Variants in TAF6L observed in about 807,000 individuals in gnomAD.
TAF6L encodes TAF6-like RNA polymerase II p300/CBP-associated factor-associated factor 65 kDa subunit 6L.
TAF6L carries 34 observed loss-of-function variants against 57.3 expected under a neutral mutation model. The observed-to-expected ratio is 0.59, with a 90% CI of 0.45 to 0.79. The LOEUF (loss-of-function observed/expected upper bound fraction) is 0.79, where lower values mean the gene tolerates loss of function less well. Among genes scored for constraint, TAF6L ranks in the 30% least tolerant of loss-of-function variants. The pLI is 0.00. For missense variants in TAF6L, 782 were observed against 853.2 expected (o/e 0.92, Z 1.04); for synonymous variants, 417 against 376.3 (o/e 1.11, Z -1.25).
rs1260035275 is a variant in TAF6L at position 62,787,030 on chromosome 11, C to T, written c.1603C>T (p.Arg535Trp). 8.6e-6 allele frequency: 13 copies of T among 1,507,108 alleles called. No homozygotes were observed. The South Asian group carries it at 1.5e-4, about 17-fold the overall frequency. The allele number at this position is 1,507,108 out of a possible 1,614,324, so 93.4% of individuals were successfully genotyped here. A position where few individuals can be genotyped will look rare whatever the true frequency, so the allele number is the denominator to read the frequency against. ...CGTGCATCGGGCGCGCGGGGCACCC[C>T]GGCAGCAGGGCCCCGGGACCGGCAC... ...PRVHRARGAP[R>W]QQGPGTGTRD... The change falls in exon 11 of 11, where the codon CGG (arginine) becomes TGG (tryptophan). Residue 535 changes from arginine (R) to tryptophan (W), a missense_variant. Arg to Trp is a moderately radical substitution (Grantham distance 101). This residue lies in a region of TAF6L where 483 missense variants were observed against 445.1 expected (regional missense o/e 1.09). Transcript: ENST00000294168.
chr11:62,783,003 C>T (rs538182991), intron 9 of TAF6L, among the ~76,000 whole-genome samples, 178 bp downstream of exon 9: 13 of 152,342 alleles, frequency 8.5e-5, no homozygotes, highest in African/African-American at 3.1e-4. Context: ...CTTATCCTTT[C>T]GAAAGTCCTA....
chr11:62,787,215 G>A lies in TAF6L; in HGVS notation c.1788G>A (p.Gln596=), dbSNP rs751078026. The A allele has an allele frequency of 4.4e-6, 7 of 1,587,934 alleles. No homozygotes were observed. The highest frequency in any genetic ancestry group is 1.7e-5 in the Admixed American group (1 of 59,118). ...YGPSPASRYV[Q]KLPMIGRTSR... is the part of the protein sequence containing the mutation. ...CTAGCCCGGCCTCGCGCTACGTGCA[G>A]AAACTGCCCATGATCGGCCGTACCA... Residue 596 remains glutamine (Q), a synonymous_variant, in exon 11 of 11, where the codon CAG becomes CAA. Transcript: ENST00000294168.
At chr11:62,776,159 G>C (rs550313625) in intron 2 of TAF6L, among the ~76,000 whole-genome samples, 24 of 152,318 alleles carry the variant, frequency 1.6e-4, no homozygotes, top group African/African-American at 5.1e-4. Context: ...TGGGCAGGCA[G>C]AGCGGGTAGA....
At chr11:62,779,964 A>G (rs2084215207) in intron 6 of TAF6L, among the ~76,000 whole-genome samples, 1 of 68,324 alleles carries the variant, frequency 1.5e-5, no homozygotes, top group Non-Finnish European at 3.6e-5. Context: ...ATATATATAT[A>G]TATATATATA....
chr11:62,775,287 G>C (rs929626969), intron 1 of TAF6L, among the ~76,000 whole-genome samples: 1 of 152,142 alleles, frequency 6.6e-6, no homozygotes, highest in African/African-American at 2.4e-5. Flanking sequence ...AGAACAGCAT[G>C]GGGGAAAATG....
In TAF6L at chr11:62,786,898, A is replaced by C; in HGVS notation, c.1471A>C (p.Ser491Arg). ...GCGGAAGATGCCGCAGCTGACGGCA[A>C]GCGCCATAGTCAGCCCGCACGGCGA... ...SVRKMPQLTA[S>R]AIVSPHGDES... Residue 491 changes from serine (S) to arginine (R), a missense_variant, in exon 11 of 11, where the codon AGC (serine) becomes CGC (arginine). Ser to Arg is a moderately radical substitution (Grantham distance 110). This residue lies in a region of TAF6L where 483 missense variants were observed against 445.1 expected (regional missense o/e 1.09). Transcript: ENST00000294168. 1 of 1,547,884 alleles carries C rather than the reference A, an allele frequency of 6.5e-7. No individual in the cohort carries two copies. Among genetic ancestry groups the C allele is most frequent in the Non-Finnish European group, 8.6e-7 (1 of 1,156,100 alleles).
chr11:62,786,178 G>A, intron 9 of TAF6L, 82 bp from the exon 10 acceptor site: 1 of 1,522,348 alleles, frequency 6.6e-7, no homozygotes, highest in Non-Finnish European at 9.0e-7. Flanking sequence ...CAGAGATAAA[G>A]GTAGGTCTTT....
chr11:62,782,796 G>T lies in TAF6L; in HGVS notation c.931G>T (p.Val311Leu). ...GCCGCTCTGCTGCCACTATGGAGCC[G>T]TGGTGGGGCTGCATGCTCTTGGCTG... ...VRPLCCHYGA[V>L]VGLHALGWKA... Residue 311 changes from valine (V) to leucine (L), a missense_variant, in exon 9 of 11, where the codon GTG (valine) becomes TTG (leucine). Transcript: ENST00000294168. 1 of 1,613,918 alleles carries T rather than the reference G, an allele frequency of 6.2e-7. No individual in the cohort carries two copies. The highest frequency in any genetic ancestry group is 8.5e-7 in the Non-Finnish European group (1 of 1,180,034).
At chr11:62,779,165 C>T (rs1456040247) in intron 6 of TAF6L, among the ~76,000 whole-genome samples, 2 of 151,412 alleles carry the variant, frequency 1.3e-5, no homozygotes, top group Non-Finnish European at 1.5e-5. Context: ...GGATTACAGG[C>T]GTGTGCCAGC....
intron 3 of TAF6L, 46 bp from the exon 4 acceptor site, chr11:62,777,932 C>T: frequency 6.2e-7 from 1 of 1,603,296 alleles, no homozygotes; most frequent in Non-Finnish European, 8.5e-7. Flanking sequence ...CTGACGCCTG[C>T]TCCCTCCCTG....
chr11:62,777,458 G>T (rs1241915914), intron 3 of TAF6L, among the ~76,000 whole-genome samples: 1 of 152,202 alleles, frequency 6.6e-6, no homozygotes, highest in Non-Finnish European at 1.5e-5. Context: ...GAGGCCACTG[G>T]AGGCCCAGAG....
rs1273686508 is a variant in TAF6L at position 62,786,943 on chromosome 11, G to A, written c.1516G>A (p.Gly506Ser). The A allele has an allele frequency of 1.4e-6, 2 of 1,459,522 alleles. No homozygotes were observed. The highest frequency in any genetic ancestry group is 2.6e-5 in the Admixed American group (1 of 38,306). The allele number at this position is 1,459,522 out of a possible 1,614,324, so 90.4% of individuals were successfully genotyped here. A position where few individuals can be genotyped will look rare whatever the true frequency, so the allele number is the denominator to read the frequency against. ...CGGCGACGAGAGCCCCCGGGGCAGC[G>A]GCGGAGGCGGCCCCGCGTCGGCCTC... ...PHGDESPRGSGGGGPASASGP... is the reference protein window; with the variant it reads ...PHGDESPRGSSGGGPASASGP... Residue 506 changes from glycine to serine, a missense_variant, in exon 11 of 11, where the codon GGC becomes AGC. By Grantham distance (56) the Gly-to-Ser change is moderately conservative. This residue lies in a region of TAF6L where 483 missense variants were observed against 445.1 expected (regional missense o/e 1.09). Transcript: ENST00000294168.
Position 62,786,304 on chromosome 11 carries a change from A to G in TAF6L, c.1005A>G (p.Thr335=). Reference sequence around the variant, plus strand: ...ACCCACACCTGTCCACCTACTGGACAAACTTGCAGGCTGTGCTGGATGATT... The same window carrying G: ...ACCCACACCTGTCCACCTACTGGACGAACTTGCAGGCTGTGCTGGATGATT... ...VLYPHLSTYW[T]NLQAVLDDYS... The change falls in exon 10 of 11, where the codon ACA becomes ACG. Residue 335 remains threonine (T), a synonymous_variant. Coordinates refer to ENST00000294168, the MANE Select transcript of TAF6L (RefSeq NM_006473.4). The G allele has an allele frequency of 6.2e-7, 1 of 1,614,180 alleles. No individual in the cohort carries two copies. Among genetic ancestry groups the G allele is most frequent in the Non-Finnish European group, 8.5e-7 (1 of 1,180,014 alleles).
At chr11:62,781,741 T>C (rs976444062) in intron 6 of TAF6L, 153 bp from the exon 7 acceptor site, 1 of 702,550 alleles carries the variant, frequency 1.4e-6, no homozygotes, top group African/African-American at 1.8e-5. Flanking sequence ...TTCTGTAGGT[T>C]ACATTTATAG....
intron 1 of TAF6L, among the ~76,000 whole-genome samples, chr11:62,774,419 G>A (rs2084170640): frequency 6.6e-6 from 1 of 152,214 alleles, no homozygotes; most frequent in African/African-American, 2.4e-5. Flanking sequence ...GCCATTGGGA[G>A]GAGTGCTGCA....
intron 9 of TAF6L, 161 bp from the exon 10 acceptor site, chr11:62,786,099 G>T: frequency 1.2e-6 from 1 of 850,250 alleles, no homozygotes. Context: ...GTATACAGTA[G>T]GTTCCAAATA....
At chr11:62,779,978 T>TATATA (rs1590935179) in intron 6 of TAF6L, among the ~76,000 whole-genome samples, 13 of 74,246 alleles carry the variant, frequency 1.8e-4, no homozygotes, top group Admixed American at 1.7e-3. Context: ...ATATATATAT[T>TATATA]TTTTTTTTTT....
chr11:62,775,120 G>T (rs1477758888), intron 1 of TAF6L, among the ~76,000 whole-genome samples: 1 of 151,596 alleles, frequency 6.6e-6, no homozygotes, highest in Admixed American at 6.6e-5. Context: ...AGGTTTAACT[G>T]ACTCAATGCT....
In TAF6L at chr11:62,782,812, C is replaced by G; in HGVS notation, c.947C>G (p.Ala316Gly). ...CHYGAVVGLH[A>G]LGWKAVERVL... The stretch of plus-strand genomic sequence containing the variant: ...TATGGAGCCGTGGTGGGGCTGCATG[C>G]TCTTGGCTGGAAGGTGAGCACCCTG... Residue 316 changes from alanine to glycine, a missense_variant, in exon 9 of 11, where the codon GCT becomes GGT. Coordinates refer to ENST00000294168, the MANE Select transcript of TAF6L (RefSeq NM_006473.4). The G allele has an allele frequency of 6.2e-7, 1 of 1,614,052 alleles. No homozygotes were observed. Among genetic ancestry groups the G allele is most frequent in the South Asian group, 1.1e-5 (1 of 91,078 alleles).
Sources: allele counts gnomAD v4.1 joint callset (sites outside exome capture counted in the v4.1 genomes callset), GRCh38; gene constraint gnomAD v4.1.1; regional missense constraint gnomAD v4.1.1; transcripts MANE v1.5; gene names NCBI Gene and HGNC (gene_info 2026-07-23, HGNC 2026-07-21).